The following ISM2 variants were observed in gnomAD, a reference collection of about 807,000 sequenced individuals.
ISM2 encodes the protein isthmin-2.
ISM2 carries 50 observed loss-of-function variants against 58.0 expected under a neutral mutation model. The ratio of observed to expected loss-of-function variants is 0.86; its 90% confidence interval spans 0.69 to 1.09. The LOEUF (loss-of-function observed/expected upper bound fraction) is 1.09, where lower values mean the gene tolerates loss of function less well. Among genes scored for constraint, ISM2 ranks in the 50% least tolerant of loss-of-function variants. The probability of loss-of-function intolerance (pLI) is 0.00; values close to 1 mark genes in which losing one functional copy is unlikely to be tolerated. For synonymous variants in ISM2, 303 were observed against 312.4 expected (o/e 0.97, Z 0.32); for missense variants, 723 against 745.0 (o/e 0.97, Z 0.34).
At chr14:77,484,636 C>T (rs1487290552) in intron 2 of ISM2, 41 bp downstream of exon 2, 1 of 1,610,086 alleles carries the variant, frequency 6.2e-7, no homozygotes, top group South Asian at 1.1e-5. Flanking sequence ...AAAGGCTGGC[C>T]AGGCAGAGCC....
chr14:77,487,113 C>A (rs765993545), intron 1 of ISM2, among the ~76,000 whole-genome samples: 96 of 151,854 alleles, frequency 6.3e-4, no homozygotes, highest in Non-Finnish European at 1.2e-3. Context: ...GGCATGGTGG[C>A]AGGTGCCTGT....
intron 1 of ISM2, 78 bp from the exon 2 acceptor site, chr14:77,484,997 A>G: frequency 6.8e-7 from 1 of 1,465,036 alleles, no homozygotes; most frequent in Non-Finnish European, 9.2e-7. Flanking sequence ...GGCCAGGCAG[A>G]TCCAGGAGCC....
Position 77,475,711 on chromosome 14 carries a change from T to A in ISM2, c.1600A>T (p.Lys534Ter). Reference sequence around the variant, plus strand: ...GCGTGGAGGCGGCTCCAGTCCCCCTTGCACAGGATCCAGGGCGTCGTGTCG... The same window carrying A: ...GCGTGGAGGCGGCTCCAGTCCCCCTAGCACAGGATCCAGGGCGTCGTGTCG... The part of the protein sequence containing the change: ...KFDTTPWILC[K>*]GDWSRLHAVL... The change falls in exon 7 of 7, where the codon AAG becomes TAG. Residue 534 changes from lysine to a stop codon, truncating the protein, a stop_gained. Transcript: ENST00000342219. LOFTEE classifies it high-confidence loss of function. This position sits in a 1 kb window ranked among gnomAD's most constrained non-coding sequence, Gnocchi z 4.1. 6.2e-7 allele frequency: 1 copy of A among 1,614,098 alleles called. No homozygotes were observed. Among genetic ancestry groups the A allele is most frequent in the East Asian group, 2.2e-5 (1 of 44,876 alleles).
At chr14:77,498,452 G>A in intron 1 of ISM2, 2 of 1,169,328 alleles carry the variant, frequency 1.7e-6, no homozygotes, top group South Asian at 1.4e-5. Context: ...GCGGTCACGC[G>A]CGAGGAGTGG....
chr14:77,480,268 T>C (rs2079123172), intron 4 of ISM2, among the ~76,000 whole-genome samples: 1 of 150,400 alleles, frequency 6.6e-6, no homozygotes, highest in Non-Finnish European at 1.5e-5. Flanking sequence ...CCACAGCCAC[T>C]GTGTCTCACT....
At position 77,479,706 on chromosome 14, in the gene ISM2, C is replaced by G. The variant is rs112055810; in HGVS notation, c.974-991G>C. Among the ~76,000 whole-genome samples, 716 of 151,898 alleles carry G rather than the reference C, an allele frequency of 4.7e-3. 11 individuals carry two copies. The highest frequency in any genetic ancestry group is 6.3e-3 in the Non-Finnish European group (430 of 67,926). ...ATTTTTGTATTTTTAGTAGAGACGG[C>G]GTTTCACCATGTTGGCCAGGCTGGT... On this transcript the variant is annotated intron_variant, in intron 4 of 6. Transcript: ENST00000342219.
chr14:77,476,282 C>T (rs559727000), intron 6 of ISM2, among the ~76,000 whole-genome samples, 170 bp from the exon 7 acceptor site: 1 of 152,362 alleles, frequency 6.6e-6, no homozygotes, highest in South Asian at 2.1e-4. Flanking sequence ...CCCACACCAT[C>T]CAGACAACCT....
intron 1 of ISM2, among the ~76,000 whole-genome samples, chr14:77,492,555 T>C (rs1280399557): frequency 6.8e-6 from 1 of 147,566 alleles, no homozygotes; most frequent in African/African-American, 2.5e-5. Flanking sequence ...GGTCTTGCTC[T>C]GTTGCCCAGG....
chr14:77,482,898 G>T, intron 3 of ISM2: 1 of 461,298 alleles, frequency 2.2e-6, no homozygotes, highest in East Asian at 3.5e-5. Flanking sequence ...CTAATTCGCA[G>T]ATGCCAGGTA....
chr14:77,493,741 C>T (rs1452783361), intron 1 of ISM2, among the ~76,000 whole-genome samples: 2 of 151,938 alleles, frequency 1.3e-5, no homozygotes, highest in African/African-American at 2.4e-5. Context: ...GGATTATAGG[C>T]GTGAGCCACT....
At position 77,482,563 on chromosome 14, in the gene ISM2, G is replaced by T; in HGVS notation, c.732C>A (p.Ala244=). 6.2e-7 allele frequency: 1 copy of T among 1,613,962 alleles called. No homozygotes were observed. Among genetic ancestry groups the T allele is most frequent in the Non-Finnish European group, 8.5e-7 (1 of 1,179,930 alleles). ...PPQDTLSWLP[A]LWSFLWGDYK... ...AGTCTCCCCAGAGGAAGGACCAGAG[G>T]GCGGGCAGCCAGCTAAGGGTATCCT... The change falls in exon 4 of 7, where the codon GCC becomes GCA. Residue 244 remains alanine, a synonymous_variant. Transcript: ENST00000342219.
In ISM2 at chr14:77,484,762, G is replaced by C. The variant is rs1193548056; in HGVS notation, c.299C>G (p.Pro100Arg). The change falls in exon 2 of 7, where the codon CCA becomes CGA. Residue 100 changes from proline (P) to arginine (R), a missense_variant. Coordinates refer to ENST00000342219, the MANE Select transcript of ISM2 (RefSeq NM_199296.3). ...CTCCAGCCGCAACGGAGTAACCTCT[G>C]GGGTCCTGGGAGGGGTGGCGTTGCC... Reference protein sequence around the residue: ...TPGNATPPRTPEVTPLRLELQ... With the variant: ...TPGNATPPRTREVTPLRLELQ... 1.2e-6 allele frequency: 2 copies of C among 1,607,198 alleles called. No homozygotes were observed. Among genetic ancestry groups the C allele is most frequent in the South Asian group, 2.2e-5 (2 of 90,778 alleles).
intron 1 of ISM2, among the ~76,000 whole-genome samples, chr14:77,486,649 T>C (rs914186801): frequency 6.6e-6 from 1 of 152,168 alleles, no homozygotes; most frequent in South Asian, 2.1e-4. Flanking sequence ...CTCTGGGGCA[T>C]AGAGACAGGC....
intron 1 of ISM2, among the ~76,000 whole-genome samples, chr14:77,496,186 C>CA (rs1187094203): frequency 1.6e-4 from 19 of 118,256 alleles, no homozygotes; most frequent in African/African-American, 5.5e-4. Flanking sequence ...GACTCCATGC[C>CA]AAAAAAAAAA....
Position 77,492,580 on chromosome 14 carries a change from T to C in ISM2, c.141+6073A>G, listed in dbSNP as rs114398748. ...TGTTGCCCAGGATGGAGTACAGTAGTGTGTTCACAGCTCAGAGCAGCCTCG... is the reference window on the plus strand; with the variant it reads ...TGTTGCCCAGGATGGAGTACAGTAGCGTGTTCACAGCTCAGAGCAGCCTCG... On this transcript the variant is annotated intron_variant, in intron 1 of 6. Transcript: ENST00000342219. Among the ~76,000 whole-genome samples, 856 of 148,786 alleles carry C rather than the reference T, an allele frequency of 5.8e-3. 16 individuals are homozygous for C. The highest frequency in any genetic ancestry group is 0.02 in the African/African-American group (796 of 40,352).
chr14:77,475,762 A>G lies in ISM2; in HGVS notation c.1549T>C (p.Phe517Leu). The G allele has an allele frequency of 1.9e-6, 3 of 1,613,950 alleles. No homozygotes were observed. Residue 517 changes from phenylalanine (F) to leucine (L), a missense_variant, in exon 7 of 7, where the codon TTC becomes CTC. Physicochemically the swap from Phe to Leu is conservative, Grantham distance 22 (BLOSUM62 0). Transcript: ENST00000342219. The surrounding 1 kb of genome is among the most constrained non-coding windows in gnomAD (Gnocchi z 4.1). Reference sequence around the variant, plus strand: ...AACTTGAAGTGCAGCTTAGGTGAGAAGTCGGTGCTGATGAGGTTGGGCATG... The same window carrying G: ...AACTTGAAGTGCAGCTTAGGTGAGAGGTCGGTGCTGATGAGGTTGGGCATG... ...AGMPNLISTD[F>L]SPKLHFKFDT...
intron 1 of ISM2, among the ~76,000 whole-genome samples, chr14:77,492,910 G>A (rs949999157): frequency 1.3e-4 from 20 of 152,076 alleles, no homozygotes; most frequent in African/African-American, 3.6e-4. Context: ...CAGGAGAATC[G>A]CTTGAGCCTG....
At chr14:77,481,233 G>C (rs1434448900) in intron 4 of ISM2, among the ~76,000 whole-genome samples, 1 of 151,914 alleles carries the variant, frequency 6.6e-6, no homozygotes, top group Non-Finnish European at 1.5e-5. Context: ...TCAGCTACTT[G>C]GGAGGCTGAG....
In ISM2 at chr14:77,498,767, C is replaced by T. The variant is rs1274989138; in HGVS notation, c.27G>A (p.Gly9=). 3.4e-6 allele frequency: 5 copies of T among 1,469,440 alleles called. No homozygotes were observed. Among genetic ancestry groups the T allele is most frequent in the Admixed American group, 2.5e-5 (1 of 39,954 alleles). The allele number at this position is 1,469,440 out of a possible 1,614,324, so 91.0% of individuals were successfully genotyped here. A position where few individuals can be genotyped will look rare whatever the true frequency, so the allele number is the denominator to read the frequency against. The change falls in exon 1 of 7, where the codon GGG becomes GGA. Residue 9 remains glycine (G), a synonymous_variant. Transcript: ENST00000342219. The part of the protein sequence containing the change: MRALRDRA[G]LLLCVLLLAA... The stretch of plus-strand genomic sequence containing the variant: ...CCAGCAGCAGCACGCAGAGGAGGAG[C>T]CCGGCTCGGTCGCGGAGCGCACGCA...
Sources: gnomAD v4.1 joint callset for allele counts (sites outside exome capture counted in the v4.1 genomes callset) on GRCh38, gnomAD v4.1.1 for gene constraint, Gnocchi (gnomAD v3.1) non-coding constraint, MANE v1.5 for transcripts, NCBI Gene and HGNC (gene_info 2026-07-23, HGNC 2026-07-21) for gene names.